CD99L2: variants seen among roughly 807,000 people sequenced by gnomAD.
The protein encoded by CD99L2 is CD99 molecule like 2, also known as CD99 antigen-like protein 2.
Under a neutral mutation model 27.3 loss-of-function variants are expected in CD99L2, and 24 were observed. The ratio of observed to expected loss-of-function variants is 0.88; its 90% CI spans 0.64 to 1.24. The LOEUF is 1.24. CD99L2 is among the 50% of genes most tolerant of loss of function. The probability of loss-of-function intolerance (pLI) is 0.00; values close to 1 mark genes in which losing one functional copy is unlikely to be tolerated. For synonymous variants in CD99L2, 97 were observed against 87.9 expected (o/e 1.10, Z -0.58); for missense variants, 255 against 221.6 (o/e 1.15, Z -0.96).
intron 1 of CD99L2, among the ~76,000 whole-genome samples, chrX:150,840,688 A>G (rs2046610852): frequency 8.9e-6 from 1 of 112,538 alleles, no homozygotes; most frequent in Admixed American, 9.4e-5. Context: ...GATTACAGGC[A>G]TGAGCCACTG....
intron 2 of CD99L2, among the ~76,000 whole-genome samples, chrX:150,823,597 A>G (rs1165811192): frequency 9.0e-6 from 1 of 111,703 alleles, no homozygotes; most frequent in Non-Finnish European, 1.9e-5. Flanking sequence ...AAACTGGGTA[A>G]TTTATAAAAA....
chrX:150,882,260 G>A (rs1266260100), intron 1 of CD99L2, among the ~76,000 whole-genome samples: 1 of 111,629 alleles, frequency 9.0e-6, no homozygotes, highest in Non-Finnish European at 1.9e-5. Context: ...TGTAATAAGA[G>A]TGACAAGAGT....
chrX:150,841,419 G>A (rs1388524770), intron 1 of CD99L2, among the ~76,000 whole-genome samples: 2 of 111,768 alleles, frequency 1.8e-5, no homozygotes, highest in African/African-American at 6.5e-5. Flanking sequence ...GGGAGAGGGA[G>A]CATTTTACAT....
chrX:150,803,700 G>C (rs1476279175), intron 4 of CD99L2, among the ~76,000 whole-genome samples: 1 of 111,938 alleles, frequency 8.9e-6, no homozygotes, highest in Non-Finnish European at 1.9e-5. Flanking sequence ...CGGTGCTGGA[G>C]TAATTGGGCA....
At chrX:150,779,046 T>C (rs782398443) in intron 7 of CD99L2, among the ~76,000 whole-genome samples, 3 of 111,613 alleles carry the variant, frequency 2.7e-5, no homozygotes, top group South Asian at 3.8e-4. Context: ...CTCTGAGTAA[T>C]TCAACCTATT....
intron 9 of CD99L2, among the ~76,000 whole-genome samples, chrX:150,771,587 C>A (rs782612565): frequency 1.8e-5 from 2 of 112,082 alleles, no homozygotes; most frequent in East Asian, 5.6e-4. Context: ...ACTCTCCCCC[C>A]ACCCCTGCCA....
chrX:150,779,961 G>A (rs1160656999), intron 7 of CD99L2, among the ~76,000 whole-genome samples: 1 of 112,228 alleles, frequency 8.9e-6, no homozygotes, highest in Non-Finnish European at 1.9e-5. Context: ...ACATCATCAA[G>A]AAAGTAGAAT....
At chrX:150,819,088 T>C (rs1299185814) in intron 2 of CD99L2, 21 of 320,502 alleles carry the variant, frequency 6.6e-5, no homozygotes, top group South Asian at 6.4e-4. Flanking sequence ...TTCCCAGTTT[T>C]TCATCTCCAC....
At chrX:150,898,070 C>T (rs1378962601) in intron 1 of CD99L2, among the ~76,000 whole-genome samples, 1 of 49,992 alleles carries the variant, frequency 2.0e-5, no homozygotes, top group Non-Finnish European at 5.2e-5. Flanking sequence ...CCCCCCCCCC[C>T]CCACAGCCCA....
chrX:150,837,006 T>C (rs1225718335), intron 1 of CD99L2, among the ~76,000 whole-genome samples: 1 of 112,195 alleles, frequency 8.9e-6, no homozygotes, highest in Non-Finnish European at 1.9e-5. Context: ...GAAATATTTA[T>C]AGCCATGAGT....
At chrX:150,836,605 G>A (rs1557421209) in intron 1 of CD99L2, among the ~76,000 whole-genome samples, 1 of 111,831 alleles carries the variant, frequency 8.9e-6, no homozygotes, top group Non-Finnish European at 1.9e-5. Flanking sequence ...GGGATTACAG[G>A]TGTGAGCCAC....
intron 1 of CD99L2, among the ~76,000 whole-genome samples, chrX:150,844,205 G>A (rs1052263354): frequency 1.8e-5 from 2 of 112,327 alleles, no homozygotes; most frequent in Non-Finnish European, 1.9e-5. Flanking sequence ...ACCTGATGCA[G>A]CTGCTTGCAA....
chrX:150,891,937 C>T (rs782560935), intron 1 of CD99L2, among the ~76,000 whole-genome samples: 6 of 111,729 alleles, frequency 5.4e-5, no homozygotes, highest in Non-Finnish European at 1.1e-4. Context: ...GTGAGCCAGG[C>T]GTGGTGGCTC....
intron 1 of CD99L2, among the ~76,000 whole-genome samples, chrX:150,849,282 T>A (rs2046753095): frequency 5.4e-5 from 6 of 111,699 alleles, no homozygotes; most frequent in African/African-American, 1.6e-4. Flanking sequence ...CCAGGCACGG[T>A]GGCTCATGAC....
chrX:150,792,960 G>A (rs781800777), intron 7 of CD99L2, among the ~76,000 whole-genome samples: 1 of 111,820 alleles, frequency 8.9e-6, no homozygotes, highest in South Asian at 3.7e-4. Flanking sequence ...TAACATGAGG[G>A]AACTTCTTTG....
At chrX:150,891,288 A>T (rs2047507633) in intron 1 of CD99L2, among the ~76,000 whole-genome samples, 2 of 112,212 alleles carry the variant, frequency 1.8e-5, no homozygotes, top group South Asian at 7.4e-4. Context: ...CCCAGGTCTC[A>T]TTGGGCTAAA....
At chrX:150,806,794 G>A (rs1372446435) in intron 4 of CD99L2, among the ~76,000 whole-genome samples, 2 of 110,936 alleles carry the variant, frequency 1.8e-5, no homozygotes, top group Non-Finnish European at 3.8e-5. Context: ...GGGAGGCTGA[G>A]GCAGGAGAAT....
At chrX:150,873,412 G>C (rs2047185847) in intron 1 of CD99L2, among the ~76,000 whole-genome samples, 1 of 111,878 alleles carries the variant, frequency 8.9e-6, no homozygotes, top group Non-Finnish European at 1.9e-5. Flanking sequence ...GTTGTGAGGT[G>C]GGACAAATAT....
chrX:150,769,181 G>A (rs1281532633), intron 10 of CD99L2, 80 bp from the exon 11 acceptor site: 12 of 1,064,396 alleles, frequency 1.1e-5, no homozygotes, highest in Non-Finnish European at 1.5e-5. Flanking sequence ...AGCCCGTGCT[G>A]GGAACAGAAC....
Sources: gnomAD v4.1 joint callset for allele counts (sites outside exome capture counted in the v4.1 genomes callset) on GRCh38, gnomAD v4.1.1 for gene constraint, MANE v1.5 for transcripts, NCBI Gene and HGNC (gene_info 2026-07-23, HGNC 2026-07-21) for gene names.